KLRG1: variants seen among roughly 807,000 people sequenced by gnomAD.
The protein encoded by KLRG1 is killer cell lectin-like receptor subfamily G member 1.
A neutral mutation model predicts 21.8 loss-of-function variants in KLRG1; 16 were observed. The observed-to-expected ratio is 0.73, with a 90% CI of 0.50 to 1.11. KLRG1 has a LOEUF of 1.11. KLRG1 is among the 50% of genes most tolerant of loss of function. KLRG1 has a pLI of 0.00. For synonymous variants in KLRG1, 69 were observed against 75.9 expected, an observed-to-expected ratio of 0.91 and a Z score of 0.47; for missense variants, 173 against 218.3, an observed-to-expected ratio of 0.79 and a Z score of 1.31.
the KLRG1 span, among the ~76,000 whole-genome samples, chr12:9,071,331 C>G: frequency 1.3e-5 from 2 of 152,052 alleles, no homozygotes; most frequent in African/African-American, 4.8e-5. Flanking sequence ...CAACAAAACA[C>G]TTAGAAACAC....
intron 1 of KLRG1, among the ~76,000 whole-genome samples, chr12:8,978,640 TTTTC>T (rs202186076): frequency 0.24 from 25,529 of 107,340 alleles, 2,232 homozygotes; most frequent in East Asian, 0.27. Flanking sequence ...TTTTTCTTTC[TTTTC>T]TTTCTTTCTT....
At chr12:9,166,395 G>A in the KLRG1 span, among the ~76,000 whole-genome samples, 1 of 152,112 alleles carries the variant, frequency 6.6e-6, no homozygotes, top group East Asian at 1.9e-4. Flanking sequence ...TGTCAAAGGT[G>A]GAAATTCTAT....
chr12:9,110,463 T>C, the KLRG1 span: 1 of 513,840 alleles, frequency 1.9e-6, no homozygotes. Flanking sequence ...TAATTGTACA[T>C]TTAAAAATAA....
At chr12:9,116,217 A>G in the KLRG1 span, 1 of 306,038 alleles carries the variant, frequency 3.3e-6, no homozygotes, top group Non-Finnish European at 6.5e-6. Context: ...GGTGCTTCTC[A>G]CATCTCTTGT....
chr12:8,987,707 C>T (rs1373517076), upstream of KLRG1, among the ~76,000 whole-genome samples: 3 of 152,110 alleles, frequency 2.0e-5, no homozygotes. Context: ...CTTTCTTTGT[C>T]TATGGGTTTG....
At chr12:9,171,094 T>C in the KLRG1 span, among the ~76,000 whole-genome samples, 2 of 152,220 alleles carry the variant, frequency 1.3e-5, no homozygotes, top group Non-Finnish European at 2.9e-5. Flanking sequence ...AACAGTTGCA[T>C]GTGGGCTGGC....
chr12:9,109,762 T>C, the KLRG1 span: 1 of 1,150,250 alleles, frequency 8.7e-7, no homozygotes, highest in Non-Finnish European at 1.2e-6. Context: ...CCAAGCCCAA[T>C]GTCACCCATG....
chr12:9,009,380 T>G (rs781000202), intron 4 of KLRG1, 46 bp from the exon 5 acceptor site: 1 of 1,608,434 alleles, frequency 6.2e-7, no homozygotes, highest in South Asian at 1.1e-5. Context: ...CAACTCCTTT[T>G]CTGTGCATGC....
At chr12:8,966,585 T>C (rs929789089) in intron 1 of KLRG1, among the ~76,000 whole-genome samples, 3 of 151,748 alleles carry the variant, frequency 2.0e-5, no homozygotes, top group Non-Finnish European at 4.4e-5. Context: ...CATGAAAAAA[T>C]GCTCATCGTC....
At chr12:9,140,554 T>C in the KLRG1 span, among the ~76,000 whole-genome samples, 1 of 152,220 alleles carries the variant, frequency 6.6e-6, no homozygotes, top group Non-Finnish European at 1.5e-5. Context: ...ATTATTTGCA[T>C]ACAGTGCAGC....
chr12:9,110,441 T>TA, the KLRG1 span: 15 of 580,782 alleles, frequency 2.6e-5, no homozygotes, highest in Non-Finnish European at 3.7e-5. Context: ...GTGAGTATAG[T>TA]AAAAAATAAT....
At chr12:9,081,983 A>C in the KLRG1 span, among the ~76,000 whole-genome samples, 1 of 152,200 alleles carries the variant, frequency 6.6e-6, no homozygotes, top group East Asian at 1.9e-4. Context: ...GGGAAGTTCA[A>C]CCTAGCTTGA....
the KLRG1 span, chr12:9,152,325 G>A: frequency 1.9e-6 from 3 of 1,596,420 alleles, no homozygotes; most frequent in Middle Eastern, 1.7e-4. Context: ...AGTGTCAAAG[G>A]AAAAAGAATT....
intron 1 of KLRG1, among the ~76,000 whole-genome samples, chr12:8,960,411 G>A (rs1031350749): frequency 6.6e-6 from 1 of 152,190 alleles, no homozygotes; most frequent in Non-Finnish European, 1.5e-5. Context: ...CAAAGGAGTA[G>A]GCAGAACAAC....
At chr12:9,206,617 C>T in the KLRG1 span, among the ~76,000 whole-genome samples, 10 of 152,192 alleles carry the variant, frequency 6.6e-5, no homozygotes, top group South Asian at 2.1e-4. Flanking sequence ...GCTTACTGCC[C>T]CAAGGCAGGG....
At chr12:9,013,181 C>T (rs6487550), downstream of KLRG1, among the ~76,000 whole-genome samples, 7,024 of 152,212 alleles carry the variant, frequency 0.046, 482 homozygotes, top group African/African-American at 0.15. Flanking sequence ...GATATAGCTG[C>T]AGTGGCCAAA....
chr12:8,970,777 A>C (rs746901725), intron 1 of KLRG1, among the ~76,000 whole-genome samples: 1 of 152,252 alleles, frequency 6.6e-6, no homozygotes, highest in African/African-American at 2.4e-5. Flanking sequence ...AAATTGAGAA[A>C]GTTTCCTTCT....
chr12:9,130,836 C>A, the KLRG1 span, among the ~76,000 whole-genome samples: 1 of 151,782 alleles, frequency 6.6e-6, no homozygotes, highest in Non-Finnish European at 1.5e-5. Context: ...GCTTTTGTTA[C>A]CTGTGCTTTT....
the KLRG1 span, among the ~76,000 whole-genome samples, chr12:9,073,581 T>G: frequency 4.6e-5 from 7 of 152,348 alleles, no homozygotes; most frequent in East Asian, 3.9e-4. Context: ...GATAAAAGAT[T>G]AATACAATGG....
Sources: allele counts gnomAD v4.1 joint callset (sites outside exome capture counted in the v4.1 genomes callset), GRCh38; gene constraint gnomAD v4.1.1; transcripts MANE v1.5; gene names NCBI Gene and HGNC (gene_info 2026-07-23, HGNC 2026-07-21).